Variants in NRCAM observed in about 807,000 individuals in gnomAD.
The protein encoded by NRCAM is NgCAM-related cell adhesion molecule.
A neutral mutation model predicts 156.5 loss-of-function variants in NRCAM; 83 were observed. The ratio of observed to expected loss-of-function variants is 0.53; its 90% CI spans 0.44 to 0.64. The LOEUF (loss-of-function observed/expected upper bound fraction) is 0.64. Ranked by LOEUF, NRCAM falls within the 30% of genes least tolerant of loss-of-function variation. The pLI, the probability that NRCAM is intolerant of heterozygous loss-of-function variation, is 0.00. For synonymous variants in NRCAM, 538 were observed against 563.9 expected, an observed-to-expected ratio of 0.95 and a Z score of 0.65; for missense variants, 1,417 against 1,597.3, an observed-to-expected ratio of 0.89 and a Z score of 1.92.
intron 32 of NRCAM, among the ~76,000 whole-genome samples, chr7:108,157,072 G>A (rs188680299): frequency 6.6e-6 from 1 of 152,182 alleles, no homozygotes; most frequent in Admixed American, 6.5e-5. Flanking sequence ...TTGTGGGATT[G>A]TCCTTATGAA....
intron 3 of NRCAM, among the ~76,000 whole-genome samples, chr7:108,264,472 C>T (rs911345170): frequency 1.3e-5 from 2 of 152,220 alleles, no homozygotes; most frequent in Non-Finnish European, 2.9e-5. Context: ...GGTCTTGGGT[C>T]TCACCAACAA....
chr7:108,162,711 G>C (rs2049974740), intron 30 of NRCAM, among the ~76,000 whole-genome samples: 1 of 152,098 alleles, frequency 6.6e-6, no homozygotes, highest in Non-Finnish European at 1.5e-5. Flanking sequence ...TGTGTCTAAA[G>C]AAAAAAGTAT....
chr7:108,428,450 A>G (rs1341368251), intron 1 of NRCAM, among the ~76,000 whole-genome samples: 2 of 152,228 alleles, frequency 1.3e-5, no homozygotes, highest in African/African-American at 4.8e-5. Flanking sequence ...CCCAAGGAGT[A>G]GAGAGCGAGG....
At chr7:108,227,831 T>C (rs1027560108) in intron 8 of NRCAM, among the ~76,000 whole-genome samples, 1 of 152,202 alleles carries the variant, frequency 6.6e-6, no homozygotes, top group African/African-American at 2.4e-5. Flanking sequence ...TGATCTAACA[T>C]TTCATGAAAT....
intron 2 of NRCAM, among the ~76,000 whole-genome samples, chr7:108,330,501 T>C (rs1359539446): frequency 6.6e-6 from 1 of 152,204 alleles, no homozygotes; most frequent in Non-Finnish European, 1.5e-5. Context: ...TTTCTCACTC[T>C]GGCTCCCACT....
At chr7:108,158,735 CATTTT>C (rs2047005133) in intron 32 of NRCAM, among the ~76,000 whole-genome samples, 1 of 152,120 alleles carries the variant, frequency 6.6e-6, no homozygotes, top group Non-Finnish European at 1.5e-5. Context: ...AGAATGCCCA[CATTTT>C]ATTTAAATAA....
At chr7:108,319,579 C>T (rs530702301) in intron 2 of NRCAM, among the ~76,000 whole-genome samples, 5 of 152,266 alleles carry the variant, frequency 3.3e-5, no homozygotes, top group African/African-American at 1.2e-4. Flanking sequence ...AGATATTGAA[C>T]AAATAATCAC....
chr7:108,345,154 T>C (rs2099342747), intron 2 of NRCAM, among the ~76,000 whole-genome samples: 1 of 152,212 alleles, frequency 6.6e-6, no homozygotes, highest in Non-Finnish European at 1.5e-5. Context: ...ACTGTGTATA[T>C]TATATATGGA....
rs1323567208 is a variant in NRCAM, at chr7:108,148,550, T to C, written c.*1360A>G. 5 of 152,782 alleles carry C rather than the reference T, an allele frequency of 3.3e-5. No homozygotes were observed. The South Asian group carries it at 8.3e-4, about 25-fold the overall frequency. 9.5% of individuals were successfully genotyped at this position (152,782 alleles called of 1,614,324 possible). On this transcript the variant is annotated 3_prime_UTR_variant, in exon 33 of 33. Transcript: ENST00000379028. ...TATTGTTTATGAATACGATAGAATA[T>C]ATATTTACTTTTTAAACTGCAGATG...
chr7:108,344,253 G>A (rs751699328), intron 2 of NRCAM, among the ~76,000 whole-genome samples: 42 of 152,116 alleles, frequency 2.8e-4, no homozygotes, highest in Non-Finnish European at 5.4e-4. Context: ...CTTTAAACAC[G>A]GGGCTTGCAA....
At chr7:108,222,119 A>G (rs1055236875) in intron 11 of NRCAM, among the ~76,000 whole-genome samples, 1 of 152,220 alleles carries the variant, frequency 6.6e-6, no homozygotes, top group African/African-American at 2.4e-5. Context: ...GTGGAATCTG[A>G]TAACATATTG....
In NRCAM at chr7:108,195,830, T is replaced by C. The variant is rs1296058906; in HGVS notation, c.1394A>G (p.Gln465Arg). ...TAAAGCAGGCCTGTTTGCAATGACC[T>C]GGTAGAGTGTGTTTGCAGGTGTGAG... ...RILTPANTLY[Q>R]VIANRPALLD... The change falls in exon 15 of 33, where the codon CAG becomes CGG. Residue 465 changes from glutamine (Q) to arginine (R), a missense_variant. This residue lies in a region of NRCAM where 1,238 missense variants were observed against 1,336.4 expected (regional missense o/e 0.93). Transcript: ENST00000379028. 1.9e-6 allele frequency: 3 copies of C among 1,613,720 alleles called. No individual in the cohort carries two copies. The highest frequency in any genetic ancestry group is 2.5e-6 in the Non-Finnish European group (3 of 1,179,738).
chr7:108,177,952 A>G, intron 26 of NRCAM, 38 bp downstream of exon 26: 5 of 1,557,058 alleles, frequency 3.2e-6, no homozygotes, highest in African/African-American at 1.4e-5. Context: ...ATAAAATAAA[A>G]AAACATATTT....
chr7:108,157,220 G>A (rs1239934678), intron 32 of NRCAM, among the ~76,000 whole-genome samples: 2 of 151,990 alleles, frequency 1.3e-5, no homozygotes, highest in Non-Finnish European at 2.9e-5. Flanking sequence ...TTTTGTCTTC[G>A]TGTCAATTGG....
At chr7:108,203,071 C>A (rs1045268740) in intron 13 of NRCAM, among the ~76,000 whole-genome samples, 8 of 152,180 alleles carry the variant, frequency 5.3e-5, no homozygotes, top group Admixed American at 5.2e-4. Context: ...AAACACCCCC[C>A]TCAGTGTGGC....
At chr7:108,165,434 C>T (rs2053404363) in intron 30 of NRCAM, among the ~76,000 whole-genome samples, 1 of 152,194 alleles carries the variant, frequency 6.6e-6, no homozygotes, top group African/African-American at 2.4e-5. Flanking sequence ...TATAGGAGAG[C>T]TGACTAAATG....
chr7:108,400,433 C>T (rs1038822785), intron 1 of NRCAM, among the ~76,000 whole-genome samples: 1 of 152,180 alleles, frequency 6.6e-6, no homozygotes, highest in African/African-American at 2.4e-5. Flanking sequence ...CCTGCCTGTG[C>T]ATTAGCACCA....
rs143823433 is a variant in NRCAM at position 108,360,461 on chromosome 7, T to C, written c.-174+38975A>G. ...GGGGGATATAAGAGAAAAACAGAAA[T>C]AGCAGACAGATTTCAAAGATTAAAA... On this transcript the variant is annotated intron_variant, in intron 2 of 32. Transcript: ENST00000379028. Among the ~76,000 whole-genome samples, 523 of 152,100 alleles carry C rather than the reference T, an allele frequency of 3.4e-3. 7 individuals carry two copies. The highest frequency in any genetic ancestry group is 3.4e-3 in the Middle Eastern group (1 of 294).
chr7:108,395,507 GCA>G (rs2099774258), intron 2 of NRCAM, among the ~76,000 whole-genome samples: 2 of 152,222 alleles, frequency 1.3e-5, no homozygotes, highest in South Asian at 2.1e-4. Flanking sequence ...TTATAAAAGG[GCA>G]CACAGCAACA....
Sources: gnomAD v4.1 joint callset for allele counts (sites outside exome capture counted in the v4.1 genomes callset) on GRCh38, gnomAD v4.1.1 for gene constraint, gnomAD v4.1.1 regional missense constraint, MANE v1.5 for transcripts, NCBI Gene and HGNC (gene_info 2026-07-23, HGNC 2026-07-21) for gene names.